Variants in HTR7 observed in about 807,000 individuals in gnomAD.
HTR7 encodes the protein 5-hydroxytryptamine receptor 7, also known as 5-HT-7.
A neutral mutation model predicts 34.0 loss-of-function variants in HTR7; 16 were observed. The ratio of observed to expected loss-of-function variants is 0.47; its 90% CI spans 0.32 to 0.71. The LOEUF (loss-of-function observed/expected upper bound fraction) is 0.71. HTR7 is among the 30% of genes least tolerant of loss of function. The pLI is 0.04. For missense variants in HTR7, 504 were observed against 625.5 expected (o/e 0.81, Z 2.07); for synonymous variants, 265 against 260.2 (o/e 1.02, Z -0.18).
At chr10:90,769,246 T>C (rs145640310) in intron 1 of HTR7, among the ~76,000 whole-genome samples, 1 of 152,370 alleles carries the variant, frequency 6.6e-6, no homozygotes, top group African/African-American at 2.4e-5. Context: ...TGGGTAAGCT[T>C]TGAGTAAGAC....
intron 1 of HTR7, among the ~76,000 whole-genome samples, chr10:90,845,122 A>C (rs1023115947): frequency 4.6e-5 from 7 of 152,196 alleles, no homozygotes; most frequent in Middle Eastern, 3.2e-3. Flanking sequence ...GCTGAAGTGG[A>C]AAGTTTCAAA....
At chr10:90,754,741 G>A (rs963759932) in intron 1 of HTR7, among the ~76,000 whole-genome samples, 1 of 152,168 alleles carries the variant, frequency 6.6e-6, no homozygotes, top group African/African-American at 2.4e-5. Context: ...GTATAGAAAT[G>A]GTAGATAATG....
chr10:90,794,794 C>A (rs1448672155), intron 1 of HTR7, among the ~76,000 whole-genome samples: 1 of 152,192 alleles, frequency 6.6e-6, no homozygotes, highest in African/African-American at 2.4e-5. Context: ...AACCACTGCA[C>A]CCAGCCTATA....
intron 1 of HTR7, among the ~76,000 whole-genome samples, chr10:90,801,318 A>G (rs1845622468): frequency 6.6e-6 from 1 of 152,154 alleles, no homozygotes; most frequent in African/African-American, 2.4e-5. Flanking sequence ...GTTTTAGTCT[A>G]TCTTCCATTA....
chr10:90,759,332 A>G (rs1251391489), intron 1 of HTR7, among the ~76,000 whole-genome samples: 3 of 152,126 alleles, frequency 2.0e-5, no homozygotes, highest in African/African-American at 4.8e-5. Context: ...AAATCCATCC[A>G]ACTAAAAATG....
At chr10:90,773,498 T>C (rs1047410934) in intron 1 of HTR7, among the ~76,000 whole-genome samples, 6 of 152,198 alleles carry the variant, frequency 3.9e-5, no homozygotes, top group Non-Finnish European at 8.8e-5. Context: ...TATTTTTAAA[T>C]GTACAATTAA....
rs1413783112 is a variant in HTR7, at chr10:90,749,739, A to G, written c.540-145T>C. 2 of 706,620 alleles carry G rather than the reference A, an allele frequency of 2.8e-6. No individual in the cohort carries two copies. The highest frequency in any genetic ancestry group is 5.3e-5 in the East Asian group (2 of 37,878). 43.8% of individuals were successfully genotyped at this position (706,620 alleles called of 1,614,324 possible). On this transcript the variant is annotated intron_variant, in intron 1 of 3. Coordinates refer to ENST00000336152, the MANE Select transcript of HTR7 (RefSeq NM_019859.4). The surrounding 1 kb of genome is among the most constrained non-coding windows in gnomAD (Gnocchi z 4.2). ...TTACTCCCATTTTGCAGAAAGGTAA[A>G]CTAAGGCTCTGAGATGTTACCTATT...
chr10:90,743,637 G>C lies in HTR7; in HGVS notation c.1349C>G (p.Ser450Cys). The C allele has an allele frequency of 6.2e-7, 1 of 1,614,000 alleles. No homozygotes were observed. The highest frequency in any genetic ancestry group is 8.5e-7 in the Non-Finnish European group (1 of 1,179,902). Residue 450 changes from serine to cysteine, a missense_variant, in exon 3 of 4, where the codon TCT (serine) becomes TGT (cysteine). Physicochemically the swap from Ser to Cys is moderately radical, Grantham distance 112. Around this residue, in one of 4 missense-constraint regions of HTR7, gnomAD observed 154 missense variants for 212.1 expected, o/e 0.73. Coordinates refer to ENST00000336152, the MANE Select transcript of HTR7 (RefSeq NM_019859.4). ...LLRPEKRPPV[S>C]VWVLQSPDHH... is the part of the protein sequence containing the mutation. Reference sequence around the variant, plus strand: ...GTCTGGAGATTGTAGCACCCACACAGATACCGGTGGCCTCTTTTCTGGTCT... The same window carrying C: ...GTCTGGAGATTGTAGCACCCACACACATACCGGTGGCCTCTTTTCTGGTCT...
At chr10:90,754,172 C>A (rs1243481885) in intron 1 of HTR7, among the ~76,000 whole-genome samples, 1 of 151,998 alleles carries the variant, frequency 6.6e-6, no homozygotes, top group African/African-American at 2.4e-5. Context: ...CTTTAGAAAG[C>A]TGATAATTAA....
rs532237979 is a variant in HTR7 at position 90,784,452 on chromosome 10, T to C, written c.540-34858A>G. Among the ~76,000 whole-genome samples, 5 of 152,346 alleles carry C rather than the reference T, an allele frequency of 3.3e-5. No homozygotes were observed. In the East Asian group the frequency reaches 9.6e-4, roughly 29 times the overall value. The stretch of plus-strand genomic sequence containing the variant: ...TAATAATTCCTCCCCTACAGGACTA[T>C]GTCAGGGTTTAAATATGAACCCTTT... On this transcript the variant is annotated intron_variant, in intron 1 of 3. Coordinates refer to ENST00000336152, the MANE Select transcript of HTR7 (RefSeq NM_019859.4).
chr10:90,754,096 T>C (rs1217254495), intron 1 of HTR7, among the ~76,000 whole-genome samples: 1 of 152,072 alleles, frequency 6.6e-6, no homozygotes, highest in Non-Finnish European at 1.5e-5. Flanking sequence ...AATAAAAGAT[T>C]TAAGAGGATT....
chr10:90,747,042 T>A (rs938673657), intron 2 of HTR7, among the ~76,000 whole-genome samples: 14 of 152,162 alleles, frequency 9.2e-5, no homozygotes, highest in African/African-American at 2.9e-4. Context: ...TGCATAACAT[T>A]CAATACAAGC....
chr10:90,818,098 GTTTAAA>G (rs1845924005), intron 1 of HTR7, among the ~76,000 whole-genome samples: 1 of 152,202 alleles, frequency 6.6e-6, no homozygotes, highest in South Asian at 2.1e-4. Context: ...GGTTGCTGTG[GTTTAAA>G]TGTGTTCATA....
chr10:90,809,846 C>T (rs1845774799), intron 1 of HTR7, among the ~76,000 whole-genome samples: 1 of 152,220 alleles, frequency 6.6e-6, no homozygotes, highest in African/African-American at 2.4e-5. Flanking sequence ...GAACTCTGGC[C>T]CAAGGCTCTC....
intron 1 of HTR7, among the ~76,000 whole-genome samples, chr10:90,801,134 A>G (rs544739817): frequency 6.6e-6 from 1 of 152,286 alleles, no homozygotes; most frequent in East Asian, 1.9e-4. Context: ...CTCACTTCCA[A>G]TGGAGAGCAG....
intron 1 of HTR7, among the ~76,000 whole-genome samples, chr10:90,798,673 A>G (rs1423728706): frequency 1.3e-5 from 2 of 152,172 alleles, no homozygotes; most frequent in Non-Finnish European, 2.9e-5. Context: ...GTGATCATAC[A>G]TGCACTCCAG....
chr10:90,771,315 C>G (rs1845106438), intron 1 of HTR7, among the ~76,000 whole-genome samples: 1 of 152,242 alleles, frequency 6.6e-6, no homozygotes, highest in South Asian at 2.1e-4. Context: ...CTCATTCTTC[C>G]TGTTTGCAGA....
intron 1 of HTR7, among the ~76,000 whole-genome samples, chr10:90,781,930 C>G (rs1845311027): frequency 6.6e-6 from 1 of 152,222 alleles, no homozygotes; most frequent in African/African-American, 2.4e-5. Context: ...GCCTTTCTTC[C>G]TTGCTTTGGG....
chr10:90,783,876 G>C (rs1264350311), intron 1 of HTR7, among the ~76,000 whole-genome samples: 2 of 152,088 alleles, frequency 1.3e-5, no homozygotes, highest in Non-Finnish European at 2.9e-5. Context: ...GTGTAGCTAT[G>C]GCTCTTCACC....
Sources: gnomAD v4.1 joint callset for allele counts (sites outside exome capture counted in the v4.1 genomes callset) on GRCh38, gnomAD v4.1.1 for gene constraint, gnomAD v4.1.1 regional missense constraint, Gnocchi (gnomAD v3.1) non-coding constraint, MANE v1.5 for transcripts, NCBI Gene and HGNC (gene_info 2026-07-23, HGNC 2026-07-21) for gene names.